The following PCDHA5 variants were observed in gnomAD, a reference collection of about 807,000 sequenced individuals.
The protein encoded by PCDHA5 is protocadherin alpha 5, also known as protocadherin alpha-5.
PCDHA5 carries 43 observed loss-of-function variants against 61.6 expected under a neutral mutation model. That is an observed-to-expected ratio of 0.70 (90% CI 0.55 to 0.90). The LOEUF is 0.90. PCDHA5 is among the 40% of genes least tolerant of loss of function. The pLI is 0.00. For missense variants in PCDHA5, 1,298 were observed against 1,222.7 expected (o/e 1.06, Z -0.92); for synonymous variants, 627 against 543.9 (o/e 1.15, Z -2.13).
At chr5:140,843,607 G>C in intron 1 of PCDHA5, 1 of 1,596,080 alleles carries the variant, frequency 6.3e-7, no homozygotes, top group Non-Finnish European at 8.6e-7. Context: ...GCTCTGGTGA[G>C]GGGCCACCGA....
chr5:140,883,508 G>A (rs939760233), intron 1 of PCDHA5: 1 of 1,614,202 alleles, frequency 6.2e-7, no homozygotes, highest in East Asian at 2.2e-5. Flanking sequence ...CAGCGCCCTG[G>A]ACCGCGAGAG....
intron 1 of PCDHA5, among the ~76,000 whole-genome samples, chr5:140,960,125 G>A (rs2153724181): frequency 6.6e-6 from 1 of 152,336 alleles, no homozygotes; most frequent in East Asian, 1.9e-4. Context: ...TATTCCTTAT[G>A]AAATACTTAG....
chr5:140,926,981 C>T (rs1420415867), intron 1 of PCDHA5: 3 of 1,610,216 alleles, frequency 1.9e-6, no homozygotes, highest in Admixed American at 1.7e-5. Context: ...CCGGAGGAGA[C>T]GGAGCGGGGC....
intron 3 of PCDHA5, among the ~76,000 whole-genome samples, chr5:140,995,267 C>A (rs552857413): frequency 6.6e-6 from 1 of 152,074 alleles, no homozygotes; most frequent in Admixed American, 6.5e-5. Context: ...GAATACAAGC[C>A]CTTTGATACC....
intron 1 of PCDHA5, among the ~76,000 whole-genome samples, chr5:140,826,710 A>T (rs1769024530): frequency 6.6e-6 from 1 of 152,218 alleles, no homozygotes. Flanking sequence ...GGTGGTATTG[A>T]GAAAGAGGAA....
intron 3 of PCDHA5, among the ~76,000 whole-genome samples, chr5:140,990,378 T>G (rs1554251448): frequency 6.6e-6 from 1 of 152,128 alleles, no homozygotes; most frequent in African/African-American, 2.4e-5. Context: ...GCAAATTTGT[T>G]GGTGATGTTC....
At chr5:140,911,659 T>G (rs2075588861) in intron 1 of PCDHA5, among the ~76,000 whole-genome samples, 1 of 152,142 alleles carries the variant, frequency 6.6e-6, no homozygotes, top group African/African-American at 2.4e-5. Flanking sequence ...GTTACTAAAC[T>G]CCTTGCCTCT....
In PCDHA5 at chr5:140,987,225, A is replaced by T. The variant is rs182444933; in HGVS notation, c.2500+4662A>T. On this transcript the variant is annotated intron_variant, in intron 3 of 3. Transcript: ENST00000529859. Reference sequence around the variant, plus strand: ...TGAGACTCCATCTCAAAAAAAAAAAAAATAATAAATAAAGAAAGAAAGACA... The same window carrying T: ...TGAGACTCCATCTCAAAAAAAAAAATAATAATAAATAAAGAAAGAAAGACA... 6.5e-3 allele frequency among the ~76,000 whole-genome samples: 935 copies of T among 143,134 alleles called. 9 individuals carry two copies. Among genetic ancestry groups the T allele is most frequent in the African/African-American group, 0.025 (815 of 32,962 alleles). The allele number at this position is 143,134 out of a possible 152,430, so 93.9% of individuals were successfully genotyped here. A position where few individuals can be genotyped will look rare whatever the true frequency, so the allele number is the denominator to read the frequency against.
chr5:140,971,452 T>G (rs1554233345), intron 1 of PCDHA5, among the ~76,000 whole-genome samples: 1 of 152,088 alleles, frequency 6.6e-6, no homozygotes, highest in Admixed American at 6.5e-5. Context: ...CTCCAGAAAT[T>G]TTTGCAGTTA....
chr5:140,965,527 A>G (rs2095909626), intron 1 of PCDHA5, among the ~76,000 whole-genome samples: 1 of 151,946 alleles, frequency 6.6e-6, no homozygotes, highest in Non-Finnish European at 1.5e-5. Flanking sequence ...CAAAGCATTA[A>G]TGGAATCCAA....
At chr5:140,892,405 T>C (rs1224393895) in intron 1 of PCDHA5, among the ~76,000 whole-genome samples, 2 of 152,206 alleles carry the variant, frequency 1.3e-5, no homozygotes, top group African/African-American at 2.4e-5. Context: ...ATTTCAAGCT[T>C]CAGGTATTCT....
chr5:140,955,171 C>G (rs887184603), intron 1 of PCDHA5, among the ~76,000 whole-genome samples: 2 of 152,158 alleles, frequency 1.3e-5, no homozygotes, highest in African/African-American at 2.4e-5. Context: ...GTTTTGGTTA[C>G]TGTAGTTTTG....
intron 1 of PCDHA5, chr5:140,875,542 T>A: frequency 6.2e-7 from 1 of 1,614,134 alleles, no homozygotes; most frequent in Non-Finnish European, 8.5e-7. Flanking sequence ...CCTTGCAGCC[T>A]GGGAGGTGGG....
At chr5:140,981,327 A>C (rs1330138417) in intron 2 of PCDHA5, among the ~76,000 whole-genome samples, 1 of 152,196 alleles carries the variant, frequency 6.6e-6, no homozygotes, top group Non-Finnish European at 1.5e-5. Context: ...TAATCCCAGC[A>C]CTTTGGGAGG....
At chr5:140,934,660 C>T (rs139449604) in intron 1 of PCDHA5, among the ~76,000 whole-genome samples, 2 of 152,152 alleles carry the variant, frequency 1.3e-5, no homozygotes, top group African/African-American at 2.4e-5. Flanking sequence ...TGATTCTTCC[C>T]CTTTGTTTAG....
intron 1 of PCDHA5, among the ~76,000 whole-genome samples, chr5:140,914,220 C>A (rs1210445622): frequency 6.6e-6 from 1 of 152,212 alleles, no homozygotes; most frequent in South Asian, 2.1e-4. Flanking sequence ...TCTCTTTTAG[C>A]TCTAATACTA....
chr5:140,897,548 A>G (rs1417180451), intron 1 of PCDHA5, among the ~76,000 whole-genome samples: 6 of 152,098 alleles, frequency 3.9e-5, no homozygotes, highest in Admixed American at 2.6e-4. Context: ...ATAGTCTTCC[A>G]TGGTGTATAT....
chr5:140,838,074 TATAGTGTGTG>T (rs1562368260), intron 1 of PCDHA5, among the ~76,000 whole-genome samples: 2 of 120,528 alleles, frequency 1.7e-5, no homozygotes, highest in African/African-American at 6.6e-5. Flanking sequence ...GTTATATATA[TATAGTGTGTG>T]TGTGTGTGTG....
chr5:140,984,726 A>C (rs549219216), intron 3 of PCDHA5, among the ~76,000 whole-genome samples: 51 of 152,276 alleles, frequency 3.3e-4, no homozygotes, highest in Non-Finnish European at 5.0e-4. Flanking sequence ...AAAGATTAAG[A>C]TTATGATTTA....
Sources: allele counts gnomAD v4.1 joint callset (sites outside exome capture counted in the v4.1 genomes callset), GRCh38; gene constraint gnomAD v4.1.1; transcripts MANE v1.5; gene names NCBI Gene and HGNC (gene_info 2026-07-23, HGNC 2026-07-21).